Variants in UBE2E2 observed in about 807,000 individuals in gnomAD.
UBE2E2 encodes the protein ubiquitin-conjugating enzyme E2 E2.
UBE2E2 carries 6 observed loss-of-function variants against 24.7 expected under a neutral mutation model. The ratio of observed to expected loss-of-function variants is 0.24; its 90% CI spans 0.13 to 0.48. UBE2E2 has a LOEUF of 0.48. UBE2E2 is among the 20% of genes least tolerant of loss of function. UBE2E2 has a pLI of 0.99. For synonymous variants in UBE2E2, 104 were observed against 83.6 expected, an observed-to-expected ratio of 1.24 and a Z score of -1.33; for missense variants, 169 against 245.0, an observed-to-expected ratio of 0.69 and a Z score of 2.07.
intron 3 of UBE2E2, among the ~76,000 whole-genome samples, chr3:23,334,615 A>G (rs1575567859): frequency 1.3e-5 from 2 of 152,340 alleles, no homozygotes; most frequent in South Asian, 4.1e-4. Flanking sequence ...ATAAAAAGGT[A>G]TGTTTTGAAT....
chr3:23,337,998 G>T (rs1223919514), intron 3 of UBE2E2, among the ~76,000 whole-genome samples: 1 of 152,144 alleles, frequency 6.6e-6, no homozygotes, highest in African/African-American at 2.4e-5. Flanking sequence ...TACCTTGAGG[G>T]AGAAAAGTGG....
intron 3 of UBE2E2, among the ~76,000 whole-genome samples, chr3:23,354,135 G>A (rs1317903346): frequency 6.6e-6 from 1 of 152,032 alleles, no homozygotes; most frequent in African/African-American, 2.4e-5. Context: ...AAGCAATGGG[G>A]AAAGGATTCC....
intron 3 of UBE2E2, among the ~76,000 whole-genome samples, chr3:23,469,301 C>T (rs34225647): frequency 0.055 from 8,384 of 152,236 alleles, 382 homozygotes; most frequent in Non-Finnish European, 0.079. Context: ...CAAGTTCCAA[C>T]ATTCTACATC....
chr3:23,311,293 T>C (rs1030077374), intron 3 of UBE2E2, among the ~76,000 whole-genome samples: 4 of 152,226 alleles, frequency 2.6e-5, no homozygotes, highest in Non-Finnish European at 4.4e-5. Context: ...GTCTTTGCTA[T>C]TGTGAATAGT....
Position 23,355,606 on chromosome 3 carries a change from A to G in UBE2E2, c.227+138294A>G, listed in dbSNP as rs546642916. On this transcript the variant is annotated intron_variant, in intron 3 of 5. Transcript: ENST00000396703. ...GTAACTAGAAACAAGTTTAGAAAAT[A>G]CAGTTACTTTTTTTTGTTTGTTTGT... 5.6e-4 allele frequency among the ~76,000 whole-genome samples: 86 copies of G among 152,296 alleles called. 2 individuals carry two copies. Among genetic ancestry groups the G allele is most frequent in the Admixed American group, 4.2e-3 (64 of 15,298 alleles).
chr3:23,205,407 G>A (rs1477750382), intron 1 of UBE2E2, among the ~76,000 whole-genome samples: 2 of 152,122 alleles, frequency 1.3e-5, no homozygotes, highest in East Asian at 3.8e-4. Context: ...TTATTCATTT[G>A]TACTTCAGAG....
At chr3:23,551,305 A>G (rs1695637379) in intron 5 of UBE2E2, among the ~76,000 whole-genome samples, 1 of 152,224 alleles carries the variant, frequency 6.6e-6, no homozygotes, top group South Asian at 2.1e-4. Flanking sequence ...TAATTACTAA[A>G]GCATTATAAC....
intron 3 of UBE2E2, among the ~76,000 whole-genome samples, chr3:23,367,783 G>A (rs1294226043): frequency 6.6e-6 from 1 of 152,154 alleles, no homozygotes; most frequent in Non-Finnish European, 1.5e-5. Context: ...GGGTGGGAGG[G>A]CAGTCTTGTG....
intron 5 of UBE2E2, among the ~76,000 whole-genome samples, chr3:23,545,735 G>T (rs182164937): frequency 1.3e-5 from 2 of 152,020 alleles, no homozygotes; most frequent in South Asian, 2.1e-4. Context: ...CAGCGCAATT[G>T]ACAATCGCAA....
At chr3:23,574,334 T>TA (rs1356639946) in intron 5 of UBE2E2, among the ~76,000 whole-genome samples, 2 of 152,192 alleles carry the variant, frequency 1.3e-5, no homozygotes, top group East Asian at 3.9e-4. Flanking sequence ...GTGACTATAA[T>TA]AAAAAATAAT....
intron 3 of UBE2E2, among the ~76,000 whole-genome samples, chr3:23,356,636 GT>G (rs796198150): frequency 7.2e-5 from 11 of 152,238 alleles, no homozygotes; most frequent in African/African-American, 1.9e-4. Context: ...CTCCTCATCA[GT>G]GTCCTTTACA....
intron 3 of UBE2E2, among the ~76,000 whole-genome samples, chr3:23,301,219 A>G (rs759118147): frequency 3.3e-5 from 5 of 151,736 alleles, no homozygotes; most frequent in Non-Finnish European, 5.9e-5. Context: ...CTTCTTTGCT[A>G]TTGTTTCGTA....
At chr3:23,257,523 C>A (rs1559459135) in intron 3 of UBE2E2, among the ~76,000 whole-genome samples, 4 of 65,810 alleles carry the variant, frequency 6.1e-5, no homozygotes, top group Non-Finnish European at 9.6e-5. Context: ...CCCCCCCCCC[C>A]CCCCCACTTT....
At chr3:23,339,655 T>G (rs1695328241) in intron 3 of UBE2E2, among the ~76,000 whole-genome samples, 1 of 151,818 alleles carries the variant, frequency 6.6e-6, no homozygotes, top group African/African-American at 2.4e-5. Context: ...TAAATTTGAC[T>G]TTATAATTAT....
chr3:23,489,069 T>C (rs980746034), intron 3 of UBE2E2, among the ~76,000 whole-genome samples: 2 of 152,156 alleles, frequency 1.3e-5, no homozygotes, highest in Non-Finnish European at 2.9e-5. Flanking sequence ...GCAGATGTAG[T>C]GACAGGATAA....
chr3:23,301,812 A>G (rs948612933), intron 3 of UBE2E2, among the ~76,000 whole-genome samples: 4 of 143,866 alleles, frequency 2.8e-5, no homozygotes, highest in African/African-American at 5.9e-5. Flanking sequence ...TTCAAAGCTC[A>G]GTTGGAAATG....
chr3:23,433,615 G>T (rs1216270328), intron 3 of UBE2E2, among the ~76,000 whole-genome samples: 1 of 151,616 alleles, frequency 6.6e-6, no homozygotes, highest in Non-Finnish European at 1.5e-5. Context: ...CGTTGAAAAT[G>T]CATTAAAGGA....
chr3:23,270,530 C>CCTT (rs1026754616), intron 3 of UBE2E2, among the ~76,000 whole-genome samples: 1 of 152,164 alleles, frequency 6.6e-6, no homozygotes, highest in African/African-American at 2.4e-5. Flanking sequence ...GTTCTGTTCT[C>CCTT]CTTCTCCCCA....
chr3:23,318,189 G>A (rs556144154), intron 3 of UBE2E2, among the ~76,000 whole-genome samples: 1 of 152,032 alleles, frequency 6.6e-6, no homozygotes, highest in South Asian at 2.1e-4. Flanking sequence ...ATGAATGACA[G>A]GGTCTTGCTC....
Sources: allele counts gnomAD v4.1 joint callset (sites outside exome capture counted in the v4.1 genomes callset), GRCh38; gene constraint gnomAD v4.1.1; transcripts MANE v1.5; gene names NCBI Gene and HGNC (gene_info 2026-07-23, HGNC 2026-07-21).